The following ZFP64 variants were observed in gnomAD, a reference collection of about 807,000 sequenced individuals.
ZFP64 encodes zinc finger protein 64.
In ZFP64, 14 loss-of-function variants were observed where a neutral mutation model predicts 51.6. The ratio of observed to expected loss-of-function variants is 0.27; its 90% CI spans 0.18 to 0.42. The LOEUF is 0.42. ZFP64 is among the 10% of genes least tolerant of loss of function. The probability of loss-of-function intolerance (pLI) is 1.00; values close to 1 mark genes in which losing one functional copy is unlikely to be tolerated. For synonymous variants in ZFP64, 375 were observed against 361.4 expected (o/e 1.04, Z -0.43); for missense variants, 754 against 906.8 (o/e 0.83, Z 2.16).
chr20:52,094,166 G>A (rs1003171990), intron 7 of ZFP64, among the ~76,000 whole-genome samples: 3 of 152,078 alleles, frequency 2.0e-5, no homozygotes, highest in African/African-American at 7.2e-5. Flanking sequence ...GGCATATATG[G>A]AGCAGTCTTC....
intron 2 of ZFP64, among the ~76,000 whole-genome samples, chr20:52,181,842 T>C (rs900500916): frequency 1.3e-5 from 2 of 152,134 alleles, no homozygotes; most frequent in African/African-American, 4.8e-5. Context: ...TGCCAGTCAA[T>C]GGAAACTTGA....
At chr20:52,127,965 T>C (rs1453454772) in intron 5 of ZFP64, among the ~76,000 whole-genome samples, 29 of 152,228 alleles carry the variant, frequency 1.9e-4, no homozygotes, top group Admixed American at 1.9e-3. Context: ...ATTTATTTTT[T>C]TCCCGGGTCT....
chr20:52,094,219 C>T (rs950000979), intron 7 of ZFP64, among the ~76,000 whole-genome samples: 1 of 152,164 alleles, frequency 6.6e-6, no homozygotes, highest in African/African-American at 2.4e-5. Context: ...CCTAATCCAT[C>T]CTCCTTCTAT....
chr20:52,101,079 A>T (rs1600703923), intron 5 of ZFP64, among the ~76,000 whole-genome samples: 1 of 152,188 alleles, frequency 6.6e-6, no homozygotes, highest in Non-Finnish European at 1.5e-5. Flanking sequence ...ATGTTTGAGA[A>T]TGGCATCTAG....
intron 1 of ZFP64, among the ~76,000 whole-genome samples, chr20:52,189,377 C>CAG (rs10680817): frequency 0.13 from 19,912 of 149,104 alleles, 2,019 homozygotes; most frequent in African/African-American, 0.28. Flanking sequence ...AGCCTGGTGA[C>CAG]AGCGAGACTT....
intron 7 of ZFP64, among the ~76,000 whole-genome samples, chr20:52,093,646 T>C (rs1177993363): frequency 1.3e-5 from 2 of 152,244 alleles, no homozygotes; most frequent in East Asian, 3.8e-4. Flanking sequence ...ATTACACTCA[T>C]TGTAGTTCTC....
At chr20:52,088,403 C>A (rs755846396) in exon 8 of ZFP64, 2 of 1,601,858 alleles carry the variant, frequency 1.2e-6, no homozygotes, top group Non-Finnish European at 8.5e-7. Flanking sequence ...CGTGTGAGAT[C>A]GCAGGTGGAC....
chr20:52,168,747 C>T (rs879515230), intron 2 of ZFP64, among the ~76,000 whole-genome samples: 14 of 152,326 alleles, frequency 9.2e-5, no homozygotes, highest in Middle Eastern at 6.8e-3. Context: ...AGATTTACCC[C>T]GTTACGGTTT....
At chr20:52,107,742 CCA>C (rs907667760) in intron 5 of ZFP64, among the ~76,000 whole-genome samples, 1 of 152,286 alleles carries the variant, frequency 6.6e-6, no homozygotes, top group African/African-American at 2.4e-5. Context: ...TGTGAAAATG[CCA>C]GTTTCTTCAC....
At chr20:52,092,077 A>G (rs1198698968) in intron 7 of ZFP64, among the ~76,000 whole-genome samples, 1 of 152,218 alleles carries the variant, frequency 6.6e-6, no homozygotes. Context: ...AAATGCTGAA[A>G]TCAAGTGCAC....
At chr20:52,132,268 GA>G (rs1290004485) in intron 5 of ZFP64, among the ~76,000 whole-genome samples, 4 of 151,676 alleles carry the variant, frequency 2.6e-5, no homozygotes, top group African/African-American at 9.7e-5. Flanking sequence ...ATAAAAAGGA[GA>G]AAAAACTTCA....
At chr20:52,087,286 T>G (rs2078874819) in intron 8 of ZFP64, among the ~76,000 whole-genome samples, 1 of 152,226 alleles carries the variant, frequency 6.6e-6, no homozygotes, top group Non-Finnish European at 1.5e-5. Flanking sequence ...CACTTCCATT[T>G]TCTTTTCTTC....
intron 7 of ZFP64, among the ~76,000 whole-genome samples, chr20:52,090,544 T>TAA (rs2078912165): frequency 6.6e-6 from 1 of 152,162 alleles, no homozygotes; most frequent in Non-Finnish European, 1.5e-5. Context: ...CTCACACCTG[T>TAA]AATCCCAGCA....
chr20:52,150,700 T>C (rs1357748812), downstream of ZFP64, among the ~76,000 whole-genome samples: 4 of 152,228 alleles, frequency 2.6e-5, no homozygotes, highest in African/African-American at 9.6e-5. Context: ...AGTATTCTCA[T>C]AATATTCTAA....
chr20:52,104,022 C>T (rs2079082356), intron 5 of ZFP64, among the ~76,000 whole-genome samples: 2 of 152,212 alleles, frequency 1.3e-5, no homozygotes, highest in South Asian at 2.1e-4. Flanking sequence ...GGGGACCCAT[C>T]CTCCTTTCCG....
chr20:52,176,507 T>C (rs374454771), intron 2 of ZFP64, among the ~76,000 whole-genome samples: 47 of 143,452 alleles, frequency 3.3e-4, no homozygotes, highest in East Asian at 9.8e-4. Context: ...CAATCTCTCT[T>C]TTTTTTTTTT....
In ZFP64 at chr20:52,160,853, G is replaced by A. The variant is rs114648247; in HGVS notation, c.512-479C>T. ...GATCTGTGACTAAGTTCCTATCAAA[G>A]CGATGGCAGAGAAAGTAAAGTGTGT... On this transcript the variant is annotated intron_variant, in intron 4 of 5. Coordinates refer to ENST00000216923, the MANE Select transcript of ZFP64 (RefSeq NM_018197.3). This position sits in a 1 kb window ranked among gnomAD's most constrained non-coding sequence, Gnocchi z 4.2. Among the ~76,000 whole-genome samples the A allele has an allele frequency of 1.8e-3, 279 of 152,290 alleles. No individual in the cohort carries two copies. The highest frequency in any genetic ancestry group is 6.4e-3 in the African/African-American group (264 of 41,562).
At chr20:52,117,314 C>A (rs1978926942) in intron 5 of ZFP64, among the ~76,000 whole-genome samples, 1 of 151,968 alleles carries the variant, frequency 6.6e-6, no homozygotes, top group Non-Finnish European at 1.5e-5. Flanking sequence ...TCAGAATCTG[C>A]ATTTTAAAAA....
intron 5 of ZFP64, among the ~76,000 whole-genome samples, chr20:52,115,783 TTCTCTC>T (rs74996752): frequency 2.1e-5 from 3 of 143,302 alleles, no homozygotes; most frequent in Admixed American, 7.2e-5. Context: ...GAACCTAAAT[TTCTCTC>T]TCTCTCTCTC....
Sources: gnomAD v4.1 joint callset for allele counts (sites outside exome capture counted in the v4.1 genomes callset) on GRCh38, gnomAD v4.1.1 for gene constraint, Gnocchi (gnomAD v3.1) non-coding constraint, MANE v1.5 for transcripts, NCBI Gene and HGNC (gene_info 2026-07-23, HGNC 2026-07-21) for gene names.